The following UACA variants were observed in gnomAD, a reference collection of about 807,000 sequenced individuals.
UACA encodes the protein uveal autoantigen with coiled-coil domains and ankyrin repeats, also known as nuclear membrane binding protein.
UACA carries 112 observed loss-of-function variants against 160.5 expected under a neutral mutation model. The observed-to-expected ratio is 0.70, with a 90% CI of 0.60 to 0.82. The LOEUF (loss-of-function observed/expected upper bound fraction) is 0.82, where lower values mean the gene tolerates loss of function less well. UACA is among the 40% of genes least tolerant of loss of function. UACA has a pLI of 0.00. For synonymous variants in UACA, 557 were observed against 568.4 expected, an observed-to-expected ratio of 0.98 and a Z score of 0.29; for missense variants, 1,574 against 1,614.6, an observed-to-expected ratio of 0.97 and a Z score of 0.43.
chr15:70,660,068 T>C (rs547825973), intron 18 of UACA, 83 bp downstream of exon 18: 26 of 1,126,916 alleles, frequency 2.3e-5, no homozygotes, highest in Middle Eastern at 5.7e-4. Flanking sequence ...TAAACATCAA[T>C]TACTTTCACA....
At chr15:70,697,928 C>T (rs962668332) in intron 2 of UACA, among the ~76,000 whole-genome samples, 1 of 151,890 alleles carries the variant, frequency 6.6e-6, no homozygotes, top group Non-Finnish European at 1.5e-5. Flanking sequence ...TGCATTCCTG[C>T]AATCCCAGCT....
intron 15 of UACA, 46 bp from the exon 16 acceptor site, chr15:70,669,508 G>A: frequency 7.0e-7 from 1 of 1,425,076 alleles, no homozygotes; most frequent in Non-Finnish European, 9.4e-7. Context: ...GCCTAAATGA[G>A]ACATTTACTA....
chr15:70,751,999 G>A (rs1216343468), intron 1 of UACA, among the ~76,000 whole-genome samples: 5 of 152,140 alleles, frequency 3.3e-5, no homozygotes, highest in Non-Finnish European at 7.4e-5. Flanking sequence ...CACTTTGGGA[G>A]GCCGAGGCGG....
intron 4 of UACA, 89 bp downstream of exon 4, chr15:70,691,210 T>C (rs1897922027): frequency 2.2e-6 from 2 of 904,498 alleles, no homozygotes; most frequent in African/African-American, 3.4e-5. Context: ...TACTATTCTC[T>C]TTGATCTAAA....
chr15:70,721,659 A>G (rs1231871357), intron 1 of UACA, among the ~76,000 whole-genome samples: 2 of 151,928 alleles, frequency 1.3e-5, no homozygotes, highest in African/African-American at 4.8e-5. Flanking sequence ...TTGCAACCCT[A>G]ATAAACTTTT....
intron 1 of UACA, chr15:70,703,257 C>A: frequency 1.6e-6 from 2 of 1,286,946 alleles, no homozygotes; most frequent in South Asian, 2.5e-5. Flanking sequence ...TAAAAAGACA[C>A]ATTTGTGAAA....
chr15:70,692,234 T>C (rs754433640), intron 3 of UACA, among the ~76,000 whole-genome samples: 9 of 152,134 alleles, frequency 5.9e-5, no homozygotes, highest in Non-Finnish European at 1.3e-4. Context: ...GCCTCATAGC[T>C]CAGTACAGCC....
intron 13 of UACA, among the ~76,000 whole-genome samples, chr15:70,673,693 AT>A (rs1179701608): frequency 1.3e-5 from 2 of 152,092 alleles, no homozygotes; most frequent in African/African-American, 4.8e-5. Flanking sequence ...TAAAATATCC[AT>A]TTTCCCCATA....
the UACA span, among the ~76,000 whole-genome samples, chr15:70,778,568 A>G: frequency 1.3e-5 from 2 of 152,226 alleles, no homozygotes; most frequent in Non-Finnish European, 2.9e-5. Context: ...TTAAGGAGGC[A>G]GGTGATTAGA....
chr15:70,767,239 C>CAAAAAAAA (rs747903027), upstream of UACA, among the ~76,000 whole-genome samples: 3 of 46,512 alleles, frequency 6.4e-5, no homozygotes, highest in Admixed American at 2.7e-4. Context: ...GACTCCATCT[C>CAAAAAAAA]AAAAAAAAAA....
At chr15:70,761,950 T>C (rs2030784445) in intron 1 of UACA, among the ~76,000 whole-genome samples, 1 of 152,182 alleles carries the variant, frequency 6.6e-6, no homozygotes, top group African/African-American at 2.4e-5. Context: ...GAAACTTGTA[T>C]CTTCTATAAG....
rs146257899 is a variant in UACA, at chr15:70,739,216, T to C, written c.78+24114A>G. Among the ~76,000 whole-genome samples the C allele has an allele frequency of 5.6e-3, 857 of 152,316 alleles. 10 individuals carry two copies. The highest frequency in any genetic ancestry group is 0.032 in the South Asian group (154 of 4,824). ...TGAAATGCACAAAGGATAAAAACTA[T>C]ACTTTATAAATCCTATAAGGCAGGG... On this transcript the variant is annotated intron_variant, in intron 1 of 18. Coordinates refer to ENST00000322954, the MANE Select transcript of UACA (RefSeq NM_018003.4).
chr15:70,677,633 A>G (rs1463349514), intron 11 of UACA, among the ~76,000 whole-genome samples: 1 of 152,202 alleles, frequency 6.6e-6, no homozygotes, highest in Non-Finnish European at 1.5e-5. Flanking sequence ...ATGTATATTT[A>G]AAGAGCAAAC....
chr15:70,751,953 T>C (rs1345743009), intron 1 of UACA, among the ~76,000 whole-genome samples: 1 of 152,032 alleles, frequency 6.6e-6, no homozygotes, highest in Admixed American at 6.5e-5. Flanking sequence ...ACCTCTAACA[T>C]GGCCGGGCAC....
At chr15:70,772,095 G>A in the UACA span, among the ~76,000 whole-genome samples, 1 of 152,168 alleles carries the variant, frequency 6.6e-6, no homozygotes, top group Non-Finnish European at 1.5e-5. Context: ...ACGACCAAAG[G>A]GGAAAGCAGG....
intron 2 of UACA, among the ~76,000 whole-genome samples, chr15:70,698,281 G>A (rs981008100): frequency 2.0e-5 from 3 of 152,130 alleles, no homozygotes; most frequent in Non-Finnish European, 4.4e-5. Context: ...TGATTTCAGT[G>A]ATATAGGTTT....
At chr15:70,705,680 C>T (rs1898505228) in intron 1 of UACA, among the ~76,000 whole-genome samples, 3 of 152,076 alleles carry the variant, frequency 2.0e-5, no homozygotes, top group Non-Finnish European at 4.4e-5. Flanking sequence ...GATCTACCAT[C>T]GAGTAAACCA....
chr15:70,686,484 C>CTTTTTTTTT (rs59586401), intron 7 of UACA, among the ~76,000 whole-genome samples: 6 of 104,834 alleles, frequency 5.7e-5, no homozygotes, highest in African/African-American at 1.4e-4. Context: ...AGCCAGGGTT[C>CTTTTTTTTT]TTTTTTTTTT....
In UACA at chr15:70,702,187, T is replaced by C. The variant is rs897923282; in HGVS notation, c.79-2527A>G. 4.2e-6 allele frequency: 5 copies of C among 1,184,018 alleles called. No homozygotes were observed. The African/African-American group carries it at 6.4e-5, about 15-fold the overall frequency. The allele number at this position is 1,184,018 out of a possible 1,614,324, so 73.3% of individuals were successfully genotyped here. On this transcript the variant is annotated intron_variant, in intron 1 of 18. Transcript: ENST00000322954. Reference sequence around the variant, plus strand: ...CAGGTACAGTAACTCTATCTATTTCTTATTCTTTGGAAGCTAGCTATCTTT... The same window carrying C: ...CAGGTACAGTAACTCTATCTATTTCCTATTCTTTGGAAGCTAGCTATCTTT...
Sources: gnomAD v4.1 joint callset for allele counts (sites outside exome capture counted in the v4.1 genomes callset) on GRCh38, gnomAD v4.1.1 for gene constraint, MANE v1.5 for transcripts, NCBI Gene and HGNC (gene_info 2026-07-23, HGNC 2026-07-21) for gene names.